The following CRMP1 variants were observed in gnomAD, a reference collection of about 807,000 sequenced individuals.
The protein encoded by CRMP1 is dihydropyrimidinase-related protein 1.
Under a neutral mutation model 68.3 loss-of-function variants are expected in CRMP1, and 19 were observed. That is an observed-to-expected ratio of 0.28 (90% CI 0.19 to 0.41). The LOEUF is 0.41. CRMP1 is among the 10% of genes least tolerant of loss of function. The pLI is 1.00. For missense variants in CRMP1, 791 were observed against 967.4 expected (o/e 0.82, Z 2.42); for synonymous variants, 439 against 399.6 (o/e 1.10, Z -1.18).
intron 13 of CRMP1, chr4:5,824,329 G>C (rs529701572): frequency 1.0e-6 from 1 of 985,380 alleles, no homozygotes; most frequent in Non-Finnish European, 1.2e-6. Flanking sequence ...GCAAAAATAT[G>C]AAACACTGGA....
chr4:5,830,979 G>GAGAC (rs1720341067), intron 11 of CRMP1, among the ~76,000 whole-genome samples: 1 of 152,108 alleles, frequency 6.6e-6, no homozygotes, highest in African/African-American at 2.4e-5. Context: ...TGGTTGTTTT[G>GAGAC]AGACAGGGTC....
In CRMP1 at chr4:5,882,504, T is replaced by A. The variant is rs534007885; in HGVS notation, c.381+10085A>T. ...AATAAGAGCTAATCCACATTGCATT[T>A]AATATGTGCAGGCACTATTTTAAGC... On this transcript the variant is annotated intron_variant, in intron 1 of 13. Coordinates refer to ENST00000324989, the MANE Select transcript of CRMP1 (RefSeq NM_001014809.3). Among the ~76,000 whole-genome samples the A allele has an allele frequency of 3.3e-5, 5 of 152,386 alleles. No individual in the cohort carries two copies. The East Asian group carries it at 9.6e-4, about 29-fold the overall frequency.
rs1295174272 is a variant in CRMP1 at position 5,858,637 on chromosome 4, A to T, written c.656-2330T>A. Among the ~76,000 whole-genome samples the T allele has an allele frequency of 6.6e-6, 1 of 152,142 alleles. No individual in the cohort carries two copies. Among genetic ancestry groups the T allele is most frequent in the African/African-American group, 2.4e-5 (1 of 41,416 alleles). ...CGCAATCGCCTCCCAACTGGTCCAG[A>T]CACATCCCATCCAGGCCACTCTATT... On this transcript the variant is annotated intron_variant, in intron 3 of 13. Transcript: ENST00000324989. The surrounding 1 kb of genome is among the most constrained non-coding windows in gnomAD (Gnocchi z 5.5).
In CRMP1 at chr4:5,889,594, C is replaced by T; in HGVS notation, c.381+2995G>A. 1 of 1,536,128 alleles carries T rather than the reference C, an allele frequency of 6.5e-7. No individual in the cohort carries two copies. Among genetic ancestry groups the T allele is most frequent in the Non-Finnish European group, 8.7e-7 (1 of 1,146,902 alleles). On this transcript the variant is annotated intron_variant, in intron 1 of 13. Transcript: ENST00000324989. The surrounding 1 kb of genome is among the most constrained non-coding windows in gnomAD (Gnocchi z 4.5). ...AGCCCCAACCTCACTGGACAGGTGCCCCAAGTTCCCAGGCAGAATAAAACA... is the reference window on the plus strand; with the variant it reads ...AGCCCCAACCTCACTGGACAGGTGCTCCAAGTTCCCAGGCAGAATAAAACA...
chr4:5,848,731 A>G (rs900270543), intron 6 of CRMP1, among the ~76,000 whole-genome samples: 9 of 152,206 alleles, frequency 5.9e-5, no homozygotes, highest in African/African-American at 1.9e-4. Flanking sequence ...TCTAATAACA[A>G]GGTGCCAGCA....
chr4:5,882,275 CTCT>C (rs1457371808), intron 1 of CRMP1, among the ~76,000 whole-genome samples: 1 of 152,226 alleles, frequency 6.6e-6, no homozygotes, highest in African/African-American at 2.4e-5. Flanking sequence ...TGCTGCCAAT[CTCT>C]TGTGCTTTTC....
chr4:5,870,309 C>T lies in CRMP1; in HGVS notation c.382-3553G>A, dbSNP rs554126275. Among the ~76,000 whole-genome samples the T allele has an allele frequency of 6.6e-6, 1 of 152,242 alleles. No homozygotes were observed. Among genetic ancestry groups the T allele is most frequent in the Non-Finnish European group, 1.5e-5 (1 of 68,048 alleles). On this transcript the variant is annotated intron_variant, in intron 1 of 13. Transcript: ENST00000324989. This position sits in a 1 kb window ranked among gnomAD's most constrained non-coding sequence, Gnocchi z 6.0. ...TTATGTATTCACAGTATTTACGGCA[C>T]ATCTGGCAGGCTATGTATTTCTAGG...
intron 9 of CRMP1, 143 bp downstream of exon 9, chr4:5,839,379 T>C (rs1711531578): frequency 1.6e-5 from 16 of 1,019,866 alleles, no homozygotes; most frequent in Non-Finnish European, 2.0e-5. Flanking sequence ...TTGTAAGCCA[T>C]ATGAGCGCAG....
At chr4:5,885,531 C>A (rs1002285879) in intron 1 of CRMP1, among the ~76,000 whole-genome samples, 1 of 152,174 alleles carries the variant, frequency 6.6e-6, no homozygotes, top group South Asian at 2.1e-4. Flanking sequence ...CCCTGGGAAG[C>A]AGAGGGTGGG....
In CRMP1 at chr4:5,854,093, G is replaced by A. The variant is rs28434586; in HGVS notation, c.820+2050C>T. Reference sequence around the variant, plus strand: ...AGACCCTCCCATCTCAGTGAGGGGCGTCCTAAACGACCATTTGCTTAAGGC... The same window carrying A: ...AGACCCTCCCATCTCAGTGAGGGGCATCCTAAACGACCATTTGCTTAAGGC... On this transcript the variant is annotated intron_variant, in intron 4 of 13. Coordinates refer to ENST00000324989, the MANE Select transcript of CRMP1 (RefSeq NM_001014809.3). The surrounding 1 kb of genome is among the most constrained non-coding windows in gnomAD (Gnocchi z 4.0). Among the ~76,000 whole-genome samples the A allele has an allele frequency of 3.8e-3, 578 of 152,288 alleles. 4 individuals are homozygous for A. The highest frequency in any genetic ancestry group is 0.013 in the African/African-American group (556 of 41,562).
In CRMP1 at chr4:5,841,259, C is replaced by T. The variant is rs762179869; in HGVS notation, c.1153+49G>A. ...AGTGAACTTGAACCTGCAGGACACC[C>T]CCTTCCAGGCCCCAGCTGCCCCCAG... On this transcript the variant is annotated intron_variant, in intron 8 of 13. Transcript: ENST00000324989. The surrounding 1 kb of genome is among the most constrained non-coding windows in gnomAD (Gnocchi z 6.9). 3 of 1,613,440 alleles carry T rather than the reference C, an allele frequency of 1.9e-6. No individual in the cohort carries two copies. The highest frequency in any genetic ancestry group is 1.1e-5 in the South Asian group (1 of 91,052).
Position 5,866,395 on chromosome 4 carries a change from G to A in CRMP1, c.470+273C>T, listed in dbSNP as rs563899169. On this transcript the variant is annotated intron_variant, in intron 2 of 13. Coordinates refer to ENST00000324989, the MANE Select transcript of CRMP1 (RefSeq NM_001014809.3). This position sits in a 1 kb window ranked among gnomAD's most constrained non-coding sequence, Gnocchi z 5.9. Reference sequence around the variant, plus strand: ...CCTCCAAAACCACAAAACAGGAAACGTGTCTGCATTTTGCAGCCTTTGTGT... The same window carrying A: ...CCTCCAAAACCACAAAACAGGAAACATGTCTGCATTTTGCAGCCTTTGTGT... Among the ~76,000 whole-genome samples the A allele has an allele frequency of 1.3e-5, 2 of 152,330 alleles. No homozygotes were observed. Among genetic ancestry groups the A allele is most frequent in the African/African-American group, 2.4e-5 (1 of 41,580 alleles).
Position 5,853,290 on chromosome 4 carries a change from G to T in CRMP1, c.821-1821C>A, listed in dbSNP as rs1249866055. ...TAGCCGGGTGTGGTGGCAGGTGCCTGTAATCCAAGCTACTTGGGAGGCTGA... is the reference window on the plus strand; with the variant it reads ...TAGCCGGGTGTGGTGGCAGGTGCCTTTAATCCAAGCTACTTGGGAGGCTGA... On this transcript the variant is annotated intron_variant, in intron 4 of 13. Transcript: ENST00000324989. The surrounding 1 kb of genome is among the most constrained non-coding windows in gnomAD (Gnocchi z 4.7). Among the ~76,000 whole-genome samples the T allele has an allele frequency of 1.3e-5, 2 of 152,182 alleles. No homozygotes were observed. The highest frequency in any genetic ancestry group is 2.9e-5 in the Non-Finnish European group (2 of 68,036).
intron 6 of CRMP1, among the ~76,000 whole-genome samples, chr4:5,846,167 A>G (rs528594442): frequency 6.6e-6 from 1 of 152,248 alleles, no homozygotes; most frequent in African/African-American, 2.4e-5. Flanking sequence ...GTGGTGGCGC[A>G]TGCCTATAGT....
At chr4:5,868,725 G>A (rs1049414961) in intron 1 of CRMP1, among the ~76,000 whole-genome samples, 5 of 152,050 alleles carry the variant, frequency 3.3e-5, no homozygotes, top group East Asian at 1.9e-4. Context: ...ACAGTGATAC[G>A]TATTTTGCTG....
At chr4:5,887,719 G>A (rs1332914941) in intron 1 of CRMP1, 5 of 985,576 alleles carry the variant, frequency 5.1e-6, no homozygotes, top group Non-Finnish European at 4.8e-6. Context: ...CCCTAGGTCC[G>A]GACTTCCACT....
rs1189823806 is a variant in CRMP1, at chr4:5,838,797, C to T, written c.1310+725G>A. On this transcript the variant is annotated intron_variant, in intron 9 of 13. Coordinates refer to ENST00000324989, the MANE Select transcript of CRMP1 (RefSeq NM_001014809.3). The surrounding 1 kb of genome is among the most constrained non-coding windows in gnomAD (Gnocchi z 4.9). ...CAAGGTTCCTTCTGCCAAGAAGCCC[C>T]ATCTTATCCTCCCCTATTGGGCAAA... Among the ~76,000 whole-genome samples the T allele has an allele frequency of 6.6e-6, 1 of 152,030 alleles. No homozygotes were observed. Among genetic ancestry groups the T allele is most frequent in the African/African-American group, 2.4e-5 (1 of 41,388 alleles).
rs1182183125 is a variant in CRMP1 at position 5,861,653 on chromosome 4, C to G, written c.471-443G>C. ...GGAAAAGAGCCTACGAAATGAGAAA[C>G]GAAGCCCCCGGGGATCTCCATGGGT... On this transcript the variant is annotated intron_variant, in intron 2 of 13. Coordinates refer to ENST00000324989, the MANE Select transcript of CRMP1 (RefSeq NM_001014809.3). The surrounding 1 kb of genome is among the most constrained non-coding windows in gnomAD (Gnocchi z 6.0). Among the ~76,000 whole-genome samples, 1 of 152,068 alleles carries G rather than the reference C, an allele frequency of 6.6e-6. No homozygotes were observed. Among genetic ancestry groups the G allele is most frequent in the African/African-American group, 2.4e-5 (1 of 41,402 alleles).
chr4:5,889,901 A>G lies in CRMP1; in HGVS notation c.381+2688T>C. ...AGAGAAGCCAGCTCAGTATCCCAGG[A>G]ACACTAGGCATAATTTTCCCATTTT... is the stretch of plus-strand genomic sequence containing the variant. On this transcript the variant is annotated intron_variant, in intron 1 of 13. Coordinates refer to ENST00000324989, the MANE Select transcript of CRMP1 (RefSeq NM_001014809.3). This position sits in a 1 kb window ranked among gnomAD's most constrained non-coding sequence, Gnocchi z 4.5. The G allele has an allele frequency of 7.1e-7, 1 of 1,405,914 alleles. No homozygotes were observed. Among genetic ancestry groups the G allele is most frequent in the Non-Finnish European group, 9.2e-7 (1 of 1,081,340 alleles). The allele number at this position is 1,405,914 out of a possible 1,614,324, so 87.1% of individuals were successfully genotyped here.
Sources: allele counts gnomAD v4.1 joint callset (sites outside exome capture counted in the v4.1 genomes callset), GRCh38; gene constraint gnomAD v4.1.1; non-coding constraint Gnocchi (gnomAD v3.1); transcripts MANE v1.5; gene names NCBI Gene and HGNC (gene_info 2026-07-23, HGNC 2026-07-21).